The following PCDHA1 variants were observed in gnomAD, a reference collection of about 807,000 sequenced individuals.
PCDHA1 encodes protocadherin alpha 1, also known as protocadherin alpha-1.
A neutral mutation model predicts 61.3 loss-of-function variants in PCDHA1; 42 were observed. The ratio of observed to expected loss-of-function variants is 0.69; its 90% CI spans 0.54 to 0.89. PCDHA1 has a LOEUF of 0.89. Ranked by LOEUF, PCDHA1 falls within the 40% of genes least tolerant of loss-of-function variation. The pLI is 0.00. For missense variants in PCDHA1, 1,256 were observed against 1,235.3 expected (o/e 1.02, Z -0.25); for synonymous variants, 610 against 553.8 (o/e 1.10, Z -1.43).
At chr5:141,000,410 TA>T (rs2097918693) in intron 3 of PCDHA1, among the ~76,000 whole-genome samples, 2 of 101,940 alleles carry the variant, frequency 2.0e-5, no homozygotes, top group African/African-American at 7.8e-5. Flanking sequence ...TATATATATA[TA>T]TATATATATA....
intron 1 of PCDHA1, chr5:140,856,261 G>C (rs782582964): frequency 6.3e-7 from 1 of 1,598,154 alleles, no homozygotes. Context: ...AAAGACACGG[G>C]GACCTTCTGG....
rs1581592952 is a variant in PCDHA1 at position 140,786,185 on chromosome 5, T to C, written c.-106T>C. On this transcript the variant is annotated 5_prime_UTR_variant, in exon 1 of 4. Coordinates refer to ENST00000504120, the MANE Select transcript of PCDHA1 (RefSeq NM_018900.4). ...GAGGAAGCTCCATTTTGTCACCGCC[T>C]GAGAGAAGACAGAAACGGTAAAGAG... 3.5e-6 allele frequency: 5 copies of C among 1,428,404 alleles called. No homozygotes were observed. Among genetic ancestry groups the C allele is most frequent in the Non-Finnish European group, 4.7e-6 (5 of 1,059,528 alleles). 88.5% of individuals were successfully genotyped at this position (1,428,404 alleles called of 1,614,324 possible). A position where few individuals can be genotyped will look rare whatever the true frequency, so the allele number is the denominator to read the frequency against.
chr5:140,876,977 A>C (rs782413550), intron 1 of PCDHA1: 12 of 1,612,554 alleles, frequency 7.4e-6, no homozygotes, highest in Non-Finnish European at 1.0e-5. Context: ...GTGGGCGAGC[A>C]CGCACTGTCG....
chr5:140,802,564 C>T (rs868939985), intron 1 of PCDHA1: 1 of 1,613,396 alleles, frequency 6.2e-7, no homozygotes, highest in Non-Finnish European at 8.5e-7. Flanking sequence ...CCGGCATTCT[C>T]GCAGTCCGAG....
At chr5:140,941,209 T>TCC (rs59604197) in intron 1 of PCDHA1, among the ~76,000 whole-genome samples, 12 of 126,888 alleles carry the variant, frequency 9.5e-5, no homozygotes, top group Admixed American at 4.0e-4. Flanking sequence ...CTTCCTTTCT[T>TCC]TCTTCCTTTC....
intron 1 of PCDHA1, chr5:140,834,510 A>C: frequency 1.2e-6 from 2 of 1,614,108 alleles, no homozygotes; most frequent in Non-Finnish European, 1.7e-6. Flanking sequence ...TAAACATGGC[A>C]ACTTCGTGGG....
intron 1 of PCDHA1, chr5:140,842,520 C>T (rs2150337946): frequency 6.2e-7 from 1 of 1,613,528 alleles, no homozygotes; most frequent in East Asian, 2.2e-5. Context: ...CTGGTGTCCA[C>T]CTTCAAGAAT....
intron 1 of PCDHA1, among the ~76,000 whole-genome samples, chr5:140,833,644 A>G (rs1048308500): frequency 1.3e-5 from 2 of 152,196 alleles, no homozygotes; most frequent in African/African-American, 4.8e-5. Context: ...AAAAGTTCAC[A>G]TGATACAAAT....
In PCDHA1 at chr5:140,927,151, T is replaced by C. The variant is rs781865588; in HGVS notation, c.2395-51798T>C. ...AGAGCCGGCGGACCGCGAACAGCTGTGCAGGGCCAAAGCTGCCTGCGTCTT... is the reference window on the plus strand; with the variant it reads ...AGAGCCGGCGGACCGCGAACAGCTGCGCAGGGCCAAAGCTGCCTGCGTCTT... On this transcript the variant is annotated intron_variant, in intron 1 of 3. Coordinates refer to ENST00000504120, the MANE Select transcript of PCDHA1 (RefSeq NM_018900.4). 15 of 1,614,128 alleles carry C rather than the reference T, an allele frequency of 9.3e-6. No homozygotes were observed. In the East Asian group the frequency reaches 3.3e-4, roughly 36 times the overall value.
At chr5:140,843,557 G>C (rs1778973583) in intron 1 of PCDHA1, 1 of 1,595,984 alleles carries the variant, frequency 6.3e-7, no homozygotes. Flanking sequence ...CAGTGCGGTG[G>C]GGAGCTGGTC....
intron 2 of PCDHA1, among the ~76,000 whole-genome samples, chr5:140,981,605 C>CT (rs1444386694): frequency 1.1e-4 from 17 of 152,174 alleles, no homozygotes; most frequent in African/African-American, 2.9e-4. Context: ...AAATGTTCCT[C>CT]TAATTTTGAT....
At chr5:140,796,774 A>G (rs1554120101) in intron 1 of PCDHA1, 1 of 1,614,134 alleles carries the variant, frequency 6.2e-7, no homozygotes, top group Non-Finnish European at 8.5e-7. Flanking sequence ...CTCAGGCTAC[A>G]ACGCGTGGCT....
At chr5:140,836,468 T>G (rs1227457835) in intron 1 of PCDHA1, 1 of 1,613,696 alleles carries the variant, frequency 6.2e-7, no homozygotes, top group African/African-American at 1.3e-5. Flanking sequence ...AGCTGGTGGA[T>G]GTCAACGTGT....
chr5:140,966,259 G>A (rs1358322921), intron 1 of PCDHA1: 1 of 340,612 alleles, frequency 2.9e-6, no homozygotes, highest in Non-Finnish European at 5.3e-6. Context: ...AGACGGTGGA[G>A]ACTGGATGAA....
At chr5:140,926,693 C>T (rs576013331) in intron 1 of PCDHA1, 12 of 742,944 alleles carry the variant, frequency 1.6e-5, no homozygotes, top group African/African-American at 9.2e-5. Context: ...CTAGCAAGCC[C>T]GGCTCCCAGC....
chr5:140,862,857 T>A (rs782223560), intron 1 of PCDHA1: 4 of 517,166 alleles, frequency 7.7e-6, no homozygotes, highest in Non-Finnish European at 1.5e-5. Flanking sequence ...TGAGCAGCAA[T>A]GTGACGCTGC....
chr5:140,902,976 G>T (rs2069915302), intron 1 of PCDHA1, among the ~76,000 whole-genome samples: 1 of 152,140 alleles, frequency 6.6e-6, no homozygotes, highest in African/African-American at 2.4e-5. Flanking sequence ...GGGCATTTAG[G>T]TTGGTTCCAT....
chr5:140,926,754 C>A, intron 1 of PCDHA1: 1 of 1,283,492 alleles, frequency 7.8e-7, no homozygotes. Context: ...TCGGCGGTCG[C>A]TGAGTATCCA....
intron 1 of PCDHA1, among the ~76,000 whole-genome samples, chr5:140,873,200 T>C (rs1462660228): frequency 6.6e-6 from 1 of 152,228 alleles, no homozygotes; most frequent in Non-Finnish European, 1.5e-5. Context: ...GCTAAAAACA[T>C]TCTTTAAGTA....
Sources: gnomAD v4.1 joint callset for allele counts (sites outside exome capture counted in the v4.1 genomes callset) on GRCh38, gnomAD v4.1.1 for gene constraint, MANE v1.5 for transcripts, NCBI Gene and HGNC (gene_info 2026-07-23, HGNC 2026-07-21) for gene names.